The following B3GLCT variants were observed in gnomAD, a reference collection of about 807,000 sequenced individuals.
B3GLCT encodes the protein beta 3-glucosyltransferase.
A neutral mutation model predicts 63.4 loss-of-function variants in B3GLCT; 65 were observed. That is an observed-to-expected ratio of 1.03 (90% CI 0.84 to 1.26). B3GLCT has a LOEUF of 1.26. Among genes scored for constraint, B3GLCT ranks in the 50% most tolerant of loss-of-function variants. B3GLCT has a pLI of 0.00. For synonymous variants in B3GLCT, 233 were observed against 219.2 expected (o/e 1.06, Z -0.55); for missense variants, 577 against 604.8 (o/e 0.95, Z 0.48).
chr13:31,239,377 CA>C (rs1208474880), intron 4 of B3GLCT, among the ~76,000 whole-genome samples: 2 of 151,792 alleles, frequency 1.3e-5, no homozygotes, highest in Admixed American at 1.3e-4. Flanking sequence ...GGTATGCAAA[CA>C]AAAAGCAAAG....
At chr13:31,320,405 T>C (rs985633384) in intron 13 of B3GLCT, among the ~76,000 whole-genome samples, 2 of 152,164 alleles carry the variant, frequency 1.3e-5, no homozygotes, top group Non-Finnish European at 2.9e-5. Context: ...TTTTGTCTTC[T>C]ACCCACTTAC....
At chr13:31,206,761 GA>G (rs1868978650) in intron 1 of B3GLCT, among the ~76,000 whole-genome samples, 1 of 151,972 alleles carries the variant, frequency 6.6e-6, no homozygotes, top group Non-Finnish European at 1.5e-5. Flanking sequence ...AACAAAAGAT[GA>G]TCGGTGGTTG....
chr13:31,229,938 T>C (rs566314715), intron 4 of B3GLCT, among the ~76,000 whole-genome samples: 61 of 151,962 alleles, frequency 4.0e-4, no homozygotes, highest in African/African-American at 1.3e-3. Context: ...GAAATAACTT[T>C]CTAAAGGCAA....
chr13:31,241,811 T>C (rs2137796309), intron 4 of B3GLCT, among the ~76,000 whole-genome samples: 1 of 152,190 alleles, frequency 6.6e-6, no homozygotes, highest in South Asian at 2.1e-4. Flanking sequence ...AGGGAATGGA[T>C]GAAGAAAAGA....
In B3GLCT at chr13:31,247,852, C is replaced by T. The variant is rs1871263025; in HGVS notation, c.348-3C>T. The T allele has an allele frequency of 1.3e-6, 2 of 1,489,834 alleles. No homozygotes were observed. Among genetic ancestry groups the T allele is most frequent in the Non-Finnish European group, 1.9e-6 (2 of 1,068,086 alleles). The allele number at this position is 1,489,834 out of a possible 1,614,324, so 92.3% of individuals were successfully genotyped here. ...ATTACTGAAACTTGTTTCTTTTGGT[C>T]AGTTTTTCTGTAACATATAGCAGAA... On this transcript the variant is annotated splice_region_variant and splice_polypyrimidine_tract_variant and intron_variant, in intron 5 of 14. Coordinates refer to ENST00000343307, the MANE Select transcript of B3GLCT (RefSeq NM_194318.4).
In B3GLCT at chr13:31,251,020, A is replaced by G. The variant is rs188589762; in HGVS notation, c.459+3054A>G. Among the ~76,000 whole-genome samples the G allele has an allele frequency of 5.4e-3, 826 of 152,304 alleles. 2 individuals carry two copies. Among genetic ancestry groups the G allele is most frequent in the Middle Eastern group, 0.02 (6 of 294 alleles). ...GGATGAAGCTTCCAGAGGAAGGAAC[A>G]GGCAGCAATCTTTGTGGTTCTGCAC... On this transcript the variant is annotated intron_variant, in intron 6 of 14. Coordinates refer to ENST00000343307, the MANE Select transcript of B3GLCT (RefSeq NM_194318.4).
intron 12 of B3GLCT, among the ~76,000 whole-genome samples, chr13:31,291,728 G>A (rs1873670687): frequency 6.6e-6 from 1 of 152,172 alleles, no homozygotes; most frequent in African/African-American, 2.4e-5. Context: ...TGAGATGATG[G>A]ATTTTCTAAA....
intron 12 of B3GLCT, among the ~76,000 whole-genome samples, chr13:31,316,407 T>TATATATATA (rs1555255282): frequency 4.9e-5 from 2 of 40,866 alleles, no homozygotes; most frequent in Non-Finnish European, 1.1e-4. Context: ...TTTGGAGGTT[T>TATATATATA]TATATATATA....
chr13:31,209,349 T>C (rs918423891), intron 1 of B3GLCT, among the ~76,000 whole-genome samples: 1 of 152,220 alleles, frequency 6.6e-6, no homozygotes, highest in Non-Finnish European at 1.5e-5. Flanking sequence ...CTATGCGCCA[T>C]GCATCCTGGA....
chr13:31,226,312 CAGA>C (rs1340357927), intron 3 of B3GLCT, among the ~76,000 whole-genome samples: 4 of 152,168 alleles, frequency 2.6e-5, no homozygotes, highest in African/African-American at 9.7e-5. Flanking sequence ...AGTAGGTACT[CAGA>C]AGATGTTTGC....
chr13:31,251,371 C>T (rs1487588890), intron 6 of B3GLCT, among the ~76,000 whole-genome samples: 6 of 152,070 alleles, frequency 3.9e-5, no homozygotes, highest in African/African-American at 1.4e-4. Context: ...ATGAGTTTGA[C>T]GAATTGACAG....
intron 2 of B3GLCT, among the ~76,000 whole-genome samples, chr13:31,220,957 C>G (rs1054344738): frequency 3.3e-5 from 5 of 152,146 alleles, no homozygotes; most frequent in Non-Finnish European, 7.3e-5. Flanking sequence ...TTAGCTCACT[C>G]TCAAAATCTA....
At position 31,226,261 on chromosome 13, in the gene B3GLCT, G is replaced by A. The variant is rs113010587; in HGVS notation, c.161-2924G>A. ...CGAGGCTCAGACACTCCAGGGCTGC[G>A]ACTGGGCTCACTCGTTCTTGTATCA... On this transcript the variant is annotated intron_variant, in intron 3 of 14. Coordinates refer to ENST00000343307, the MANE Select transcript of B3GLCT (RefSeq NM_194318.4). Among the ~76,000 whole-genome samples, 726 of 152,306 alleles carry A rather than the reference G, an allele frequency of 4.8e-3. 2 individuals carry two copies. Among genetic ancestry groups the A allele is most frequent in the Non-Finnish European group, 5.6e-3 (380 of 68,028 alleles).
intron 4 of B3GLCT, among the ~76,000 whole-genome samples, chr13:31,232,104 A>G (rs1422553606): frequency 6.6e-6 from 1 of 152,256 alleles, no homozygotes; most frequent in Non-Finnish European, 1.5e-5. Context: ...CAGTTGCACC[A>G]GAGCTTATTA....
chr13:31,254,973 G>GT (rs1294576358), intron 6 of B3GLCT, among the ~76,000 whole-genome samples: 1 of 149,790 alleles, frequency 6.7e-6, no homozygotes, highest in Non-Finnish European at 1.5e-5. Flanking sequence ...GGAGGCGGAG[G>GT]TTGCAGTGAG....
chr13:31,271,819 C>G (rs1872585421), intron 8 of B3GLCT, among the ~76,000 whole-genome samples: 1 of 152,054 alleles, frequency 6.6e-6, no homozygotes, highest in Non-Finnish European at 1.5e-5. Flanking sequence ...TGGATTTTTC[C>G]TATGGAACTG....
intron 12 of B3GLCT, among the ~76,000 whole-genome samples, chr13:31,317,020 G>A (rs1875073366): frequency 6.6e-6 from 1 of 152,208 alleles, no homozygotes; most frequent in Non-Finnish European, 1.5e-5. Context: ...AAACGAGCAT[G>A]GTTGTGCCTC....
chr13:31,284,325 G>A (rs1022619574), intron 10 of B3GLCT, among the ~76,000 whole-genome samples: 25 of 152,236 alleles, frequency 1.6e-4, no homozygotes, highest in African/African-American at 5.3e-4. Context: ...ACCGTGCTCC[G>A]TGGTAAAAGA....
rs1354620009 is a variant in B3GLCT, at chr13:31,330,246, C to T, written c.*578C>T. On this transcript the variant is annotated 3_prime_UTR_variant, in exon 15 of 15. Transcript: ENST00000343307. ...CATGAAACCCTAGATATGAAATCCCCTGAAGTCTGTAATCATGGTGGTTAT... is the reference window on the plus strand; with the variant it reads ...CATGAAACCCTAGATATGAAATCCCTTGAAGTCTGTAATCATGGTGGTTAT... 1 of 152,916 alleles carries T rather than the reference C, an allele frequency of 6.5e-6. No individual in the cohort carries two copies. The highest frequency in any genetic ancestry group is 2.4e-5 in the African/African-American group (1 of 41,430). 9.5% of individuals were successfully genotyped at this position (152,916 alleles called of 1,614,324 possible).
Sources: allele counts gnomAD v4.1 joint callset (sites outside exome capture counted in the v4.1 genomes callset), GRCh38; gene constraint gnomAD v4.1.1; transcripts MANE v1.5; gene names NCBI Gene and HGNC (gene_info 2026-07-23, HGNC 2026-07-21).